DNAJA3: variants seen among roughly 807,000 people sequenced by gnomAD.
DNAJA3 encodes the protein dnaJ homolog subfamily A member 3, mitochondrial.
Under a neutral mutation model 54.9 loss-of-function variants are expected in DNAJA3, and 29 were observed. That is an observed-to-expected ratio of 0.53 (90% confidence interval 0.39 to 0.72). The LOEUF (loss-of-function observed/expected upper bound fraction) is 0.72. Ranked by LOEUF, DNAJA3 falls within the 30% of genes least tolerant of loss-of-function variation. DNAJA3 has a pLI of 0.00. For synonymous variants in DNAJA3, 302 were observed against 251.4 expected (o/e 1.20, Z -1.90); for missense variants, 708 against 639.4 (o/e 1.11, Z -1.16).
At chr16:4,431,072 T>G (rs1456411163) in intron 1 of DNAJA3, 5 of 152,226 alleles carry the variant, frequency 3.3e-5, no homozygotes, top group African/African-American at 1.2e-4. Flanking sequence ...GCCATCAGTC[T>G]TGTAATTAAA....
Position 4,456,615 on chromosome 16 carries a change from T to TA in DNAJA3, c.*1084dup, listed in dbSNP as rs1368068522. 8.5e-5 allele frequency: 13 copies of TA among 152,796 alleles called. No individual in the cohort carries two copies. Among genetic ancestry groups the TA allele is most frequent in the African/African-American group, 2.9e-4 (12 of 41,584 alleles). The allele number at this position is 152,796 out of a possible 1,614,324, so 9.5% of individuals were successfully genotyped here. On this transcript the variant is annotated 3_prime_UTR_variant, in exon 12 of 12. Transcript: ENST00000262375. The stretch of plus-strand genomic sequence containing the variant: ...TGTTTCAGGATCTTCGGGCTGTCGT[T>TA]AGACAGGTTAATGAAGAACACTTCT...
chr16:4,454,976 T>G (rs1310353748), intron 11 of DNAJA3, 49 bp downstream of exon 11: 21 of 1,297,948 alleles, frequency 1.6e-5, no homozygotes, highest in Non-Finnish European at 2.2e-5. Flanking sequence ...CTCTGTGAAC[T>G]AATCCTGGTT....
At chr16:4,443,363 C>T (rs2056861542) in intron 6 of DNAJA3, among the ~76,000 whole-genome samples, 199 bp downstream of exon 6, 1 of 152,100 alleles carries the variant, frequency 6.6e-6, no homozygotes, top group South Asian at 2.1e-4. Context: ...TCTGTTTCTG[C>T]CAGTTATCCT....
At chr16:4,443,208 G>T (rs1438471028) in intron 6 of DNAJA3, 44 bp downstream of exon 6, 2 of 1,609,266 alleles carry the variant, frequency 1.2e-6, no homozygotes, top group Non-Finnish European at 8.5e-7. Context: ...GGAGAGGGCA[G>T]ACAGGGTTGA....
chr16:4,434,299 G>T, intron 1 of DNAJA3, 85 bp from the exon 2 acceptor site: 1 of 1,472,156 alleles, frequency 6.8e-7, no homozygotes, highest in Non-Finnish European at 9.3e-7. Flanking sequence ...TTCCTTCACA[G>T]ATATAGCCTG....
Position 4,443,011 on chromosome 16 carries a change from T to C in DNAJA3, c.784-6T>C. The C allele has an allele frequency of 1.9e-6, 3 of 1,612,422 alleles. No individual in the cohort carries two copies. The highest frequency in any genetic ancestry group is 2.5e-6 in the Non-Finnish European group (3 of 1,179,038). On this transcript the variant is annotated splice_polypyrimidine_tract_variant and splice_region_variant and intron_variant, in intron 5 of 11. Transcript: ENST00000262375. Reference sequence around the variant, plus strand: ...CTTAGGTTACCATTTTTCTTGTTTTTATCAGGAAACCATCAACACAGGCCC... The same window carrying C: ...CTTAGGTTACCATTTTTCTTGTTTTCATCAGGAAACCATCAACACAGGCCC...
rs752265170 is a variant in DNAJA3, at chr16:4,434,426, C to T, written c.254C>T (p.Thr85Met). Residue 85 changes from threonine to methionine, a missense_variant, in exon 2 of 12, where the codon ACG becomes ATG. Transcript: ENST00000262375. ...NPFICTASFH[T>M]SAPLAKEDYY... ...TTCATTTGTACTGCCTCCTTCCACA[C>T]GAGTGCCCCTTTGGCCAAAGAAGAT... The T allele has an allele frequency of 1.7e-5, 28 of 1,613,680 alleles. No individual in the cohort carries two copies. The highest frequency in any genetic ancestry group is 6.7e-5 in the Admixed American group (4 of 59,890).
chr16:4,438,640 T>TTC (rs1432008658), intron 3 of DNAJA3, among the ~76,000 whole-genome samples: 1 of 147,636 alleles, frequency 6.8e-6, no homozygotes, highest in African/African-American at 2.5e-5. Flanking sequence ...CTTTTCTTTT[T>TTC]TTTTTTTTTT....
chr16:4,434,195 A>G (rs2056742837), intron 1 of DNAJA3, 189 bp from the exon 2 acceptor site: 3 of 601,414 alleles, frequency 5.0e-6, no homozygotes, highest in Non-Finnish European at 8.5e-6. Context: ...GTTACCTCCC[A>G]TCAGGTCCCT....
chr16:4,432,309 C>T (rs139386615), intron 1 of DNAJA3, among the ~76,000 whole-genome samples: 6 of 148,748 alleles, frequency 4.0e-5, no homozygotes, highest in African/African-American at 1.5e-4. Flanking sequence ...AGGCGAGAGC[C>T]ACTGTGCCCA....
At chr16:4,431,629 G>T (rs1426527338) in intron 1 of DNAJA3, 1 of 151,754 alleles carries the variant, frequency 6.6e-6, no homozygotes, top group Non-Finnish European at 1.5e-5. Flanking sequence ...CCAGGCTGGA[G>T]TGCAATGGCG....
At chr16:4,454,495 C>G (rs2057013012) in intron 10 of DNAJA3, among the ~76,000 whole-genome samples, 1 of 152,214 alleles carries the variant, frequency 6.6e-6, no homozygotes, top group Non-Finnish European at 1.5e-5. Flanking sequence ...TGGCACTTGA[C>G]TGTGTTTTTG....
At chr16:4,454,172 A>C (rs2057009140) in intron 10 of DNAJA3, among the ~76,000 whole-genome samples, 1 of 152,092 alleles carries the variant, frequency 6.6e-6, no homozygotes, top group Admixed American at 6.6e-5. Flanking sequence ...GTGACAAAGG[A>C]TTGTGCGTGG....
In DNAJA3 at chr16:4,448,798, C is replaced by T; in HGVS notation, c.1191C>T (p.Asn397=). The part of the protein sequence containing the change: ...RMGGKGIPRI[N]SYGYGDHYIH... The stretch of plus-strand genomic sequence containing the variant: ...GTGGGAAAGGCATCCCCCGGATTAA[C>T]AGCTACGGCTACGGAGACCACTACA... Residue 397 remains asparagine, a synonymous_variant, in exon 9 of 12, where the codon AAC becomes AAT. Transcript: ENST00000262375. 1 of 1,614,150 alleles carries T rather than the reference C, an allele frequency of 6.2e-7. No individual in the cohort carries two copies.
chr16:4,450,847 A>G (rs2056969519), intron 10 of DNAJA3, among the ~76,000 whole-genome samples: 1 of 152,180 alleles, frequency 6.6e-6, no homozygotes, highest in African/African-American at 2.4e-5. Flanking sequence ...GCTCCTGGCA[A>G]AAGCGTAAGG....
chr16:4,430,787 T>G (rs1357257312), intron 1 of DNAJA3: 1 of 152,070 alleles, frequency 6.6e-6, no homozygotes, highest in Non-Finnish European at 1.5e-5. Context: ...CTCATGCCTG[T>G]AACCCCAGCA....
chr16:4,436,632 C>G (rs1462458905), intron 2 of DNAJA3, among the ~76,000 whole-genome samples: 1 of 151,530 alleles, frequency 6.6e-6, no homozygotes, highest in Non-Finnish European at 1.5e-5. Flanking sequence ...GTCTCCTGGG[C>G]TCAAGCAATT....
At chr16:4,438,113 G>A (rs1394217168) in intron 3 of DNAJA3, among the ~76,000 whole-genome samples, 2 of 151,970 alleles carry the variant, frequency 1.3e-5, no homozygotes, top group Non-Finnish European at 2.9e-5. Flanking sequence ...TCAGGAGATC[G>A]AGACCATCCC....
At chr16:4,446,862 T>C in intron 7 of DNAJA3, 24 bp from the exon 8 acceptor site, 4 of 1,612,996 alleles carry the variant, frequency 2.5e-6, no homozygotes, top group Non-Finnish European at 3.4e-6. Flanking sequence ...TATCTTCACA[T>C]GCATCTGTCA....
Sources: gnomAD v4.1 joint callset for allele counts (sites outside exome capture counted in the v4.1 genomes callset) on GRCh38, gnomAD v4.1.1 for gene constraint, MANE v1.5 for transcripts, NCBI Gene and HGNC (gene_info 2026-07-23, HGNC 2026-07-21) for gene names.